The following SCARF1 variants were observed in gnomAD, a reference collection of about 807,000 sequenced individuals.
SCARF1 encodes the protein scavenger receptor class F member 1.
Under a neutral mutation model 76.3 loss-of-function variants are expected in SCARF1, and 49 were observed. The ratio of observed to expected loss-of-function variants is 0.64; its 90% CI spans 0.51 to 0.81. SCARF1 has a LOEUF of 0.81. SCARF1 is among the 40% of genes least tolerant of loss of function. SCARF1 has a pLI of 0.00. For synonymous variants in SCARF1, 495 were observed against 474.6 expected (o/e 1.04, Z -0.56); for missense variants, 1,098 against 1,143.9 (o/e 0.96, Z 0.58).
chr17:1,645,094 A>G lies in SCARF1; in HGVS notation c.163+84T>C. ...CCTGACTCCTGGTATCAGGAGGGGC[A>G]GGCCCCATGGGGTAGGAAGGAAGGG... On this transcript the variant is annotated intron_variant, in intron 2 of 10. Transcript: ENST00000263071. This position sits in a 1 kb window ranked among gnomAD's most constrained non-coding sequence, Gnocchi z 6.3. 1 of 1,573,018 alleles carries G rather than the reference A, an allele frequency of 6.4e-7. No individual in the cohort carries two copies. Among genetic ancestry groups the G allele is most frequent in the Non-Finnish European group, 8.7e-7 (1 of 1,147,382 alleles).
chr17:1,637,358 ATC>A (rs369752706), intron 8 of SCARF1, among the ~76,000 whole-genome samples: 2 of 146,744 alleles, frequency 1.4e-5, no homozygotes, highest in Non-Finnish European at 3.0e-5. Context: ...CTATCTATCT[ATC>A]TATCTATCTA....
In SCARF1 at chr17:1,640,605, C is replaced by T. The variant is rs755642540; in HGVS notation, c.853G>A (p.Glu285Lys). Residue 285 changes from glutamate (E) to lysine (K), a missense_variant, in exon 5 of 11, where the codon GAG becomes AAG. By Grantham distance (56) the Glu-to-Lys change is moderately conservative. Transcript: ENST00000263071. The surrounding 1 kb of genome is among the most constrained non-coding windows in gnomAD (Gnocchi z 4.7). ...CACTGGGTCCCGTTCCAGCCCGGCT[C>T]GCAGGACTCACAGCTGCCTGTGTCT... ...SPDTGSCESC[E>K]PGWNGTQCQQ... is the part of the protein sequence containing the mutation. 19 of 1,612,176 alleles carry T rather than the reference C, an allele frequency of 1.2e-5. No individual in the cohort carries two copies. Among genetic ancestry groups the T allele is most frequent in the African/African-American group, 4.0e-5 (3 of 74,910 alleles).
Position 1,644,758 on chromosome 17 carries a change from C to T in SCARF1, c.265+76G>A. 7.2e-7 allele frequency: 1 copy of T among 1,398,078 alleles called. No homozygotes were observed. The allele number at this position is 1,398,078 out of a possible 1,614,324, so 86.6% of individuals were successfully genotyped here. ...TGCTGTCCTGAGGCTGCATGGCTAC[C>T]TGCCTCGCCTGCTCCCACACCACTG... On this transcript the variant is annotated intron_variant, in intron 3 of 10. Coordinates refer to ENST00000263071, the MANE Select transcript of SCARF1 (RefSeq NM_003693.4). This position sits in a 1 kb window ranked among gnomAD's most constrained non-coding sequence, Gnocchi z 4.8.
Position 1,640,328 on chromosome 17 carries a change from G to C in SCARF1, c.1010+120C>G. 1 of 976,746 alleles carries C rather than the reference G, an allele frequency of 1.0e-6. No individual in the cohort carries two copies. The highest frequency in any genetic ancestry group is 1.6e-5 in the South Asian group (1 of 60,690). 60.5% of individuals were successfully genotyped at this position (976,746 alleles called of 1,614,324 possible). ...GCTCTCCCCCAGTCTTCAACAGGAGGGAGGCCCCTGGGGCCGCATGAACCT... is the reference window on the plus strand; with the variant it reads ...GCTCTCCCCCAGTCTTCAACAGGAGCGAGGCCCCTGGGGCCGCATGAACCT... On this transcript the variant is annotated intron_variant, in intron 5 of 10. Transcript: ENST00000263071. The surrounding 1 kb of genome is among the most constrained non-coding windows in gnomAD (Gnocchi z 4.7).
chr17:1,634,778 A>T lies in SCARF1; in HGVS notation c.2473T>A (p.Ser825Thr), dbSNP rs1447490926. The T allele has an allele frequency of 6.3e-7, 1 of 1,597,778 alleles. No individual in the cohort carries two copies. Among genetic ancestry groups the T allele is most frequent in the African/African-American group, 1.3e-5 (1 of 74,286 alleles). The change falls in exon 11 of 11, where the codon TCC becomes ACC. Residue 825 changes from serine to threonine, a missense_variant. Transcript: ENST00000263071. ...GGTCATCAGGGTTCTGGTGGCCTGGAGATGGGTACAACATTCTCATACTCA... is the reference window on the plus strand; with the variant it reads ...GGTCATCAGGGTTCTGGTGGCCTGGTGATGGGTACAACATTCTCATACTCA... ...EPEYENVVPI[S>T]RPPEP
In SCARF1 at chr17:1,635,143, C is replaced by T. The variant is rs1909427081; in HGVS notation, c.2108G>A (p.Gly703Asp). The T allele has an allele frequency of 1.9e-6, 3 of 1,613,586 alleles. No individual in the cohort carries two copies. The East Asian group carries it at 6.7e-5, about 36-fold the overall frequency. The part of the protein sequence containing the change: ...MLAGKPRGSE[G>D]PVRSVFRHFG... ...ATGGCGGAAGACAGAGCGGACAGGG[C>T]CTTCGGATCCGCGGGGCTTCCCTGC... Residue 703 changes from glycine to aspartate, a missense_variant, in exon 11 of 11, where the codon GGC (glycine) becomes GAC (aspartate). Transcript: ENST00000263071.
chr17:1,637,198 C>T, intron 8 of SCARF1, 136 bp from the exon 9 acceptor site: 1 of 936,528 alleles, frequency 1.1e-6, no homozygotes, highest in Non-Finnish European at 1.6e-6. Flanking sequence ...GAATAAAATC[C>T]AAATGATTGA....
chr17:1,645,550 C>G lies in SCARF1; in HGVS notation c.101+47G>C. The G allele has an allele frequency of 1.9e-6, 3 of 1,578,076 alleles. No individual in the cohort carries two copies. The highest frequency in any genetic ancestry group is 2.6e-6 in the Non-Finnish European group (3 of 1,167,740). On this transcript the variant is annotated intron_variant, in intron 1 of 10. Transcript: ENST00000263071. This position sits in a 1 kb window ranked among gnomAD's most constrained non-coding sequence, Gnocchi z 6.3. Reference sequence around the variant, plus strand: ...TTCAGCCACCCGCATCAGACTCCCACGAGACCCACCTGCTGGCCACACGCA... The same window carrying G: ...TTCAGCCACCCGCATCAGACTCCCAGGAGACCCACCTGCTGGCCACACGCA...
Position 1,636,620 on chromosome 17 carries a change from AT to A in SCARF1, c.1633+88del, listed in dbSNP as rs1289360403. 17 of 1,466,666 alleles carry A rather than the reference AT, an allele frequency of 1.2e-5. No individual in the cohort carries two copies. In the South Asian group the frequency reaches 1.9e-4, roughly 16 times the overall value. 90.9% of individuals were successfully genotyped at this position (1,466,666 alleles called of 1,614,324 possible). On this transcript the variant is annotated intron_variant, in intron 10 of 10. Coordinates refer to ENST00000263071, the MANE Select transcript of SCARF1 (RefSeq NM_003693.4). ...GAGCAAGACCCAGTCTCAAAAAAAA[AT>A]AAAAATAAATAACTTTGCTGGAGGA...
chr17:1,643,920 A>AG lies in SCARF1; in HGVS notation c.312dup (p.Cys105LeufsTer168). The AG allele has an allele frequency of 7.4e-7, 1 of 1,347,888 alleles. No homozygotes were observed. The highest frequency in any genetic ancestry group is 3.6e-5 in the Admixed American group (1 of 27,846). 83.5% of individuals were successfully genotyped at this position (1,347,888 alleles called of 1,614,324 possible). A position where few individuals can be genotyped will look rare whatever the true frequency, so the allele number is the denominator to read the frequency against. On this transcript the variant is annotated frameshift_variant, in exon 4 of 11. Transcript: ENST00000263071. LOFTEE classifies it high-confidence loss of function. ...GGCTCGCACTGGCCGTGCGGGTGGC[A>AG]GGGGCAGCTCTCACGGCAGTCGGGG...
rs1229679078 is a variant in SCARF1, at chr17:1,635,173, A to G, written c.2078T>C (p.Met693Thr). 1.2e-6 allele frequency: 2 copies of G among 1,613,494 alleles called. No individual in the cohort carries two copies. Among genetic ancestry groups the G allele is most frequent in the Non-Finnish European group, 1.7e-6 (2 of 1,180,020 alleles). ...GGATCCGCGGGGCTTCCCTGCCAGC[A>G]TGTAGATCGTGGTCACAGGGCCCGA... ...ESSGPVTTIY[M>T]LAGKPRGSEG... is the part of the protein sequence containing the mutation. The change falls in exon 11 of 11, where the codon ATG (methionine) becomes ACG (threonine). Residue 693 changes from methionine to threonine, a missense_variant. Transcript: ENST00000263071.
Position 1,640,790 on chromosome 17 carries a change from C to T in SCARF1, c.792-124G>A. 1.2e-6 allele frequency: 1 copy of T among 862,974 alleles called. No individual in the cohort carries two copies. Among genetic ancestry groups the T allele is most frequent in the Non-Finnish European group, 1.8e-6 (1 of 543,536 alleles). The allele number at this position is 862,974 out of a possible 1,614,324, so 53.5% of individuals were successfully genotyped here. On this transcript the variant is annotated intron_variant, in intron 4 of 10. Transcript: ENST00000263071. The surrounding 1 kb of genome is among the most constrained non-coding windows in gnomAD (Gnocchi z 4.7). ...GAGAGTGTTCGGGTCCCACCTGGGT[C>T]AGGCAGGTTTGAGCCTCAGTTTCCC...
In SCARF1 at chr17:1,636,743, A is replaced by G; in HGVS notation, c.1599T>C (p.Asp533=). The change falls in exon 10 of 11, where the codon GAT becomes GAC. Residue 533 remains aspartate, a synonymous_variant. Transcript: ENST00000263071. The stretch of plus-strand genomic sequence containing the variant: ...GTGGCACACAGTAGGCAGGAACCTC[A>G]TCTGCCTCTCCAGACTCAGGATCGG... ...FSSDPESGEA[D]EVPAYCVPPQ... The G allele has an allele frequency of 6.2e-7, 1 of 1,614,094 alleles. No homozygotes were observed. Among genetic ancestry groups the G allele is most frequent in the Non-Finnish European group, 8.5e-7 (1 of 1,180,004 alleles).
chr17:1,634,737 C>G lies in SCARF1; in HGVS notation c.*21G>C, dbSNP rs781636038. 8 of 1,563,012 alleles carry G rather than the reference C, an allele frequency of 5.1e-6. No individual in the cohort carries two copies. The African/African-American group carries it at 1.1e-4, about 21-fold the overall frequency. The stretch of plus-strand genomic sequence containing the variant: ...CACAGTCTAGTCCATCCACTCTCCC[C>G]ACTCCCCAAATTCAAGGTCATCAGG... On this transcript the variant is annotated 3_prime_UTR_variant, in exon 11 of 11. Transcript: ENST00000263071.
chr17:1,636,299 C>T (rs1365441554), intron 10 of SCARF1, among the ~76,000 whole-genome samples: 2 of 152,184 alleles, frequency 1.3e-5, no homozygotes, highest in African/African-American at 4.8e-5. Flanking sequence ...CTCTTGCATG[C>T]CCGGAGCCAA....
At position 1,638,788 on chromosome 17, in the gene SCARF1, G is replaced by A. The variant is rs369620811; in HGVS notation, c.1364+18C>T. On this transcript the variant is annotated intron_variant, in intron 8 of 10. Transcript: ENST00000263071. ...CTGTGGCCTGAGCTGTGTGGGGAAG[G>A]GACGGGCTGGCGTTCACCTGTCCTT... The A allele has an allele frequency of 1.1e-5, 17 of 1,596,008 alleles. No individual in the cohort carries two copies. The highest frequency in any genetic ancestry group is 1.7e-4 in the Middle Eastern group (1 of 5,846).
chr17:1,644,967 G>C lies in SCARF1; in HGVS notation c.164-32C>G. The stretch of plus-strand genomic sequence containing the variant: ...GACACCCCACCCAGGTTGGAAAGAC[G>C]GGAGCAGGACCAGGGGACACCCCTG... On this transcript the variant is annotated intron_variant, in intron 2 of 10. Transcript: ENST00000263071. This position sits in a 1 kb window ranked among gnomAD's most constrained non-coding sequence, Gnocchi z 4.8. 1 of 1,604,456 alleles carries C rather than the reference G, an allele frequency of 6.2e-7. No homozygotes were observed. Among genetic ancestry groups the C allele is most frequent in the Non-Finnish European group, 8.5e-7 (1 of 1,175,324 alleles).
Position 1,643,729 on chromosome 17 carries a change from C to T in SCARF1, c.504G>A (p.Ala168=). The change falls in exon 4 of 11, where the codon GCG becomes GCA. Residue 168 remains alanine, a synonymous_variant. Transcript: ENST00000263071. ...CCGTGGCCTGCTCGCAGCGCGCCGC[C>T]GCGGTGTTGCACTGGCACGGGCGGC... ...TCRRPCQCNT[A]AARCEQATGA... 4 of 1,329,594 alleles carry T rather than the reference C, an allele frequency of 3.0e-6. 1 individual carries two copies. In the South Asian group the frequency reaches 6.0e-5, roughly 20 times the overall value. 82.4% of individuals were successfully genotyped at this position (1,329,594 alleles called of 1,614,324 possible).
rs75316997 is a variant in SCARF1 at position 1,639,578 on chromosome 17, G to A, written c.1243+61C>T. ...TCCCTGGTGAGGAACTTGCCCTGGA[G>A]CCCATGTGAAGGGCCCGCCTTTCCC... On this transcript the variant is annotated intron_variant, in intron 7 of 10. Coordinates refer to ENST00000263071, the MANE Select transcript of SCARF1 (RefSeq NM_003693.4). 2,979 of 1,161,998 alleles carry A rather than the reference G, an allele frequency of 2.6e-3. 56 individuals are homozygous for A. The African/African-American group carries it at 0.04, about 16-fold the overall frequency. 72.0% of individuals were successfully genotyped at this position (1,161,998 alleles called of 1,614,324 possible).
Sources: gnomAD v4.1 joint callset for allele counts (sites outside exome capture counted in the v4.1 genomes callset) on GRCh38, gnomAD v4.1.1 for gene constraint, Gnocchi (gnomAD v3.1) non-coding constraint, MANE v1.5 for transcripts, NCBI Gene and HGNC (gene_info 2026-07-23, HGNC 2026-07-21) for gene names.